CRYBG1: variants seen among roughly 807,000 people sequenced by gnomAD.
The protein encoded by CRYBG1 is crystallin beta-gamma domain containing 1, also known as beta/gamma crystallin domain-containing protein 1.
A neutral mutation model predicts 189.2 loss-of-function variants in CRYBG1; 139 were observed. The observed-to-expected ratio is 0.73, with a 90% CI of 0.64 to 0.85. The LOEUF (loss-of-function observed/expected upper bound fraction) is 0.85. CRYBG1 is among the 40% of genes least tolerant of loss of function. The pLI, the probability that CRYBG1 is intolerant of heterozygous loss-of-function variation, is 0.00. For synonymous variants in CRYBG1, 1,023 were observed against 1,017.1 expected (o/e 1.01, Z -0.11); for missense variants, 2,611 against 2,675.8 (o/e 0.98, Z 0.53).
At chr6:106,395,477 T>C (rs1386500420) in intron 1 of CRYBG1, among the ~76,000 whole-genome samples, 1 of 152,032 alleles carries the variant, frequency 6.6e-6, no homozygotes, top group Non-Finnish European at 1.5e-5. Context: ...TATATTCGTT[T>C]TTCAAATAAA....
intron 1 of CRYBG1, among the ~76,000 whole-genome samples, chr6:106,449,886 A>G (rs1771743010): frequency 6.6e-6 from 1 of 152,226 alleles, no homozygotes; most frequent in East Asian, 1.9e-4. Context: ...CTGCTAATGT[A>G]CCTTTACATT....
In CRYBG1 at chr6:106,547,356, G is replaced by T. The variant is rs559866506; in HGVS notation, c.5312+2423G>T. 3.9e-5 allele frequency among the ~76,000 whole-genome samples: 6 copies of T among 152,340 alleles called. No homozygotes were observed. In the East Asian group the frequency reaches 1.2e-3, roughly 29 times the overall value. ...CAAAGCATTGTATTATGTCCTCAAA[G>T]AAGTTACGGTATTTATGTAAAACAT... On this transcript the variant is annotated intron_variant, in intron 13 of 21. Transcript: ENST00000633556.
At chr6:106,403,143 T>C (rs1228645031) in intron 1 of CRYBG1, among the ~76,000 whole-genome samples, 3 of 152,090 alleles carry the variant, frequency 2.0e-5, no homozygotes, top group Admixed American at 6.6e-5. Context: ...GAGACTAGCC[T>C]GGGCAACAAA....
chr6:106,453,751 G>A (rs1206360973), intron 2 of CRYBG1, among the ~76,000 whole-genome samples: 2 of 152,216 alleles, frequency 1.3e-5, no homozygotes, highest in African/African-American at 4.8e-5. Flanking sequence ...GTCTGTTGTG[G>A]CCTCCCTTGC....
At chr6:106,421,243 G>A (rs1412113247) in intron 1 of CRYBG1, among the ~76,000 whole-genome samples, 1 of 152,188 alleles carries the variant, frequency 6.6e-6, no homozygotes, top group East Asian at 1.9e-4. Flanking sequence ...GAAAGTAAGA[G>A]TCAGATATGA....
chr6:106,530,693 T>C (rs1198593538), intron 8 of CRYBG1, among the ~76,000 whole-genome samples: 1 of 152,148 alleles, frequency 6.6e-6, no homozygotes, highest in African/African-American at 2.4e-5. Context: ...CCAACACACA[T>C]GGTACTTCCT....
At chr6:106,405,160 A>T (rs1196727901) in intron 1 of CRYBG1, among the ~76,000 whole-genome samples, 1 of 152,218 alleles carries the variant, frequency 6.6e-6, no homozygotes, top group Non-Finnish European at 1.5e-5. Flanking sequence ...CCAGCACAGC[A>T]GTCTGAAGTC....
chr6:106,421,308 G>T (rs971039332), intron 1 of CRYBG1, among the ~76,000 whole-genome samples: 1 of 152,210 alleles, frequency 6.6e-6, no homozygotes, highest in Non-Finnish European at 1.5e-5. Flanking sequence ...GATGTGAATG[G>T]CATGGGAATA....
chr6:106,541,669 AAC>A, intron 10 of CRYBG1, 48 bp downstream of exon 10: 1 of 1,244,180 alleles, frequency 8.0e-7, no homozygotes, highest in African/African-American at 1.5e-5. Context: ...TAATTATTTA[AAC>A]ATATACACAT....
intron 18 of CRYBG1, among the ~76,000 whole-genome samples, chr6:106,559,418 T>C (rs1330836670): frequency 6.6e-6 from 1 of 152,228 alleles, no homozygotes; most frequent in Admixed American, 6.5e-5. Context: ...ATTTTTCTTT[T>C]ATTCACAAAA....
chr6:106,474,883 TA>T (rs1286904451), intron 2 of CRYBG1, among the ~76,000 whole-genome samples: 1 of 152,212 alleles, frequency 6.6e-6, no homozygotes, highest in East Asian at 1.9e-4. Context: ...TTTGAAATTT[TA>T]AAATATTTAA....
intron 1 of CRYBG1, among the ~76,000 whole-genome samples, chr6:106,364,027 A>G (rs9386529): frequency 0.67 from 101,169 of 152,066 alleles, 33,837 homozygotes; most frequent in African/African-American, 0.73. Context: ...CTTTTCCTAG[A>G]AAAGTTTACC....
chr6:106,417,985 C>T (rs12528830), intron 1 of CRYBG1, among the ~76,000 whole-genome samples: 17,733 of 152,298 alleles, frequency 0.12, 1,099 homozygotes, highest in South Asian at 0.14. Context: ...TACTCTCTGC[C>T]GGTGAGGGCA....
intron 2 of CRYBG1, among the ~76,000 whole-genome samples, chr6:106,462,305 G>C (rs1455027268): frequency 6.6e-6 from 1 of 152,118 alleles, no homozygotes; most frequent in African/African-American, 2.4e-5. Context: ...CGAGTAGCTG[G>C]GACTACAGGC....
intron 16 of CRYBG1, among the ~76,000 whole-genome samples, chr6:106,554,813 C>A (rs993926201): frequency 1.3e-5 from 2 of 152,030 alleles, no homozygotes; most frequent in Non-Finnish European, 2.9e-5. Context: ...TCTGCTGTAT[C>A]CCCAGCAATA....
intron 2 of CRYBG1, among the ~76,000 whole-genome samples, chr6:106,509,103 C>T (rs1310019074): frequency 6.6e-6 from 1 of 152,104 alleles, no homozygotes; most frequent in Non-Finnish European, 1.5e-5. Flanking sequence ...ACCTATTTTC[C>T]CTGGCTACTA....
intron 13 of CRYBG1, among the ~76,000 whole-genome samples, chr6:106,550,688 T>C (rs1421423520): frequency 1.3e-5 from 2 of 152,196 alleles, no homozygotes; most frequent in Admixed American, 1.3e-4. Context: ...TAAAAGCATT[T>C]CTTCTGTTAA....
At chr6:106,511,379 G>A (rs1355759087) in intron 2 of CRYBG1, 51 bp from the exon 3 acceptor site, 2 of 1,445,864 alleles carry the variant, frequency 1.4e-6, no homozygotes, top group Non-Finnish European at 1.8e-6. Flanking sequence ...CGTCTAAGGG[G>A]AAAAACACCA....
chr6:106,524,696 A>C (rs1200400593), intron 4 of CRYBG1, among the ~76,000 whole-genome samples: 1 of 152,270 alleles, frequency 6.6e-6, no homozygotes, highest in African/African-American at 2.4e-5. Flanking sequence ...AACAATATTT[A>C]TATGGATTCA....
Sources: gnomAD v4.1 joint callset for allele counts (sites outside exome capture counted in the v4.1 genomes callset) on GRCh38, gnomAD v4.1.1 for gene constraint, MANE v1.5 for transcripts, NCBI Gene and HGNC (gene_info 2026-07-23, HGNC 2026-07-21) for gene names.